Variants in TNRC6A observed in about 807,000 individuals in gnomAD.
The protein encoded by TNRC6A is trinucleotide repeat containing adaptor 6A, also known as trinucleotide repeat-containing gene 6A protein.
In TNRC6A, 44 loss-of-function variants were observed where a neutral mutation model predicts 221.2. The ratio of observed to expected loss-of-function variants is 0.20; its 90% CI spans 0.16 to 0.26. TNRC6A has a LOEUF of 0.26. Among genes scored for constraint, TNRC6A ranks in the 10% least tolerant of loss-of-function variants. TNRC6A has a pLI of 1.00. For missense variants in TNRC6A, 2,199 were observed against 2,404.4 expected (o/e 0.91, Z 1.79); for synonymous variants, 847 against 838.5 (o/e 1.01, Z -0.18).
chr16:24,696,728 C>CAAAGAAGAAAA (rs1555490664), intron 2 of TNRC6A, among the ~76,000 whole-genome samples: 1 of 45,144 alleles, frequency 2.2e-5, no homozygotes, highest in African/African-American at 1.1e-4. Context: ...GACCCTGTCT[C>CAAAGAAGAAAA]AAAAAAAAAA....
chr16:24,797,930 GAAA>G lies in TNRC6A; in HGVS notation c.3660_3662del (p.Glu1220_Asn1221delinsAsp), dbSNP rs1453641755. On this transcript the variant is annotated inframe_deletion, in exon 11 of 25. Coordinates refer to ENST00000395799, the MANE Select transcript of TNRC6A (RefSeq NM_014494.4). ...CTTTCTTCAGAGAGACTCACCAGAGGAAAATGTACAAAGCAATAAGATGGACCT... is the reference window on the plus strand; with the variant it reads ...CTTTCTTCAGAGAGACTCACCAGAGGATGTACAAAGCAATAAGATGGACCT... The G allele has an allele frequency of 1.2e-6, 2 of 1,610,450 alleles. No individual in the cohort carries two copies. Among genetic ancestry groups the G allele is most frequent in the Non-Finnish European group, 1.7e-6 (2 of 1,178,270 alleles).
intron 2 of TNRC6A, among the ~76,000 whole-genome samples, chr16:24,642,663 CA>C (rs1298743193): frequency 1.3e-5 from 2 of 151,840 alleles, no homozygotes; most frequent in Non-Finnish European, 2.9e-5. Context: ...ACTAAAAATA[CA>C]AAAAAATTAG....
intron 2 of TNRC6A, among the ~76,000 whole-genome samples, chr16:24,743,564 A>G (rs1393240463): frequency 1.2e-5 from 1 of 85,244 alleles, no homozygotes; most frequent in Admixed American, 1.2e-4. Flanking sequence ...GGCCCAAGCA[A>G]TCTGCCTTGG....
At chr16:24,758,285 A>G (rs1305101239) in intron 3 of TNRC6A, 54 bp from the exon 4 acceptor site, 2 of 1,528,844 alleles carry the variant, frequency 1.3e-6, no homozygotes, top group Non-Finnish European at 1.8e-6. Flanking sequence ...ATAACAGTCC[A>G]TTTCTTTCAG....
chr16:24,700,323 C>T (rs2055946430), intron 2 of TNRC6A, among the ~76,000 whole-genome samples: 1 of 151,964 alleles, frequency 6.6e-6, no homozygotes, highest in African/African-American at 2.4e-5. Flanking sequence ...GCAATCTCTG[C>T]TTCCCAAGTT....
chr16:24,756,453 A>G (rs754607067), intron 3 of TNRC6A, among the ~76,000 whole-genome samples: 2 of 152,136 alleles, frequency 1.3e-5, no homozygotes, highest in Non-Finnish European at 1.5e-5. Flanking sequence ...CTTGGTTTCT[A>G]TACTACTACT....
At chr16:24,736,590 A>G (rs2056773120) in intron 2 of TNRC6A, among the ~76,000 whole-genome samples, 1 of 152,176 alleles carries the variant, frequency 6.6e-6, no homozygotes, top group Non-Finnish European at 1.5e-5. Context: ...TTGTTTTTGC[A>G]GACTGAAATT....
chr16:24,651,420 C>T (rs1418752593), intron 2 of TNRC6A, among the ~76,000 whole-genome samples: 1 of 151,480 alleles, frequency 6.6e-6, no homozygotes, highest in Non-Finnish European at 1.5e-5. Flanking sequence ...TGCCTGTAAT[C>T]CCAGCTACTC....
chr16:24,787,879 A>G (rs1567473120), intron 5 of TNRC6A, among the ~76,000 whole-genome samples: 1 of 152,126 alleles, frequency 6.6e-6, no homozygotes, highest in Non-Finnish European at 1.5e-5. Flanking sequence ...TAGGCCTACA[A>G]CCCCTGAAGG....
At chr16:24,645,778 A>G (rs897476915) in intron 2 of TNRC6A, among the ~76,000 whole-genome samples, 1 of 142,376 alleles carries the variant, frequency 7.0e-6, no homozygotes, top group Non-Finnish European at 1.5e-5. Flanking sequence ...GGGGAAGATC[A>G]CTTGAGCTCA....
intron 4 of TNRC6A, among the ~76,000 whole-genome samples, chr16:24,768,218 T>G (rs2057514929): frequency 6.6e-6 from 1 of 151,522 alleles, no homozygotes; most frequent in Admixed American, 6.6e-5. Flanking sequence ...GACCACGAGG[T>G]CAGGAGATTG....
chr16:24,752,312 G>C (rs1249142959), intron 3 of TNRC6A, among the ~76,000 whole-genome samples: 1 of 152,180 alleles, frequency 6.6e-6, no homozygotes, highest in Non-Finnish European at 1.5e-5. Context: ...AATCAGGCTA[G>C]GGGATACAAA....
chr16:24,626,070 A>G (rs1176242037), intron 1 of TNRC6A, among the ~76,000 whole-genome samples: 1 of 152,146 alleles, frequency 6.6e-6, no homozygotes, highest in Non-Finnish European at 1.5e-5. Flanking sequence ...TTACAAAGGT[A>G]TATTGCATGA....
intron 18 of TNRC6A, among the ~76,000 whole-genome samples, chr16:24,812,546 A>C (rs1471664119): frequency 6.6e-6 from 1 of 152,156 alleles, no homozygotes; most frequent in Non-Finnish European, 1.5e-5. Context: ...TGAGCTTATA[A>C]TACCATGTTT....
In TNRC6A at chr16:24,791,816, T is replaced by C; in HGVS notation, c.3174T>C (p.Ser1058=). 1.3e-6 allele frequency: 2 copies of C among 1,524,146 alleles called. No individual in the cohort carries two copies. Among genetic ancestry groups the C allele is most frequent in the Middle Eastern group, 3.5e-4 (2 of 5,638 alleles). The allele number at this position is 1,524,146 out of a possible 1,614,324, so 94.4% of individuals were successfully genotyped here. Residue 1058 remains serine, a splice_region_variant and synonymous_variant, in exon 6 of 25, where the codon TCT becomes TCC. Coordinates refer to ENST00000395799, the MANE Select transcript of TNRC6A (RefSeq NM_014494.4). ...AISNKEASSG[S]GWGEPWGEPS... is the part of the protein sequence containing the mutation. The stretch of plus-strand genomic sequence containing the variant: ...CAAACAAAGAGGCAAGCAGTGGCTC[T>C]GGTAAGTTTCTATTTTATGAAATCA...
At chr16:24,814,746 T>C (rs146630038) in intron 18 of TNRC6A, among the ~76,000 whole-genome samples, 20 of 152,278 alleles carry the variant, frequency 1.3e-4, no homozygotes, top group African/African-American at 3.9e-4. Flanking sequence ...TATTGAGATA[T>C]AATTTACTTA....
chr16:24,688,966 C>T (rs1364639857), intron 2 of TNRC6A, among the ~76,000 whole-genome samples: 2 of 151,990 alleles, frequency 1.3e-5, no homozygotes, highest in Non-Finnish European at 2.9e-5. Context: ...TTTGGGAGGC[C>T]GACGCGGGAG....
Position 24,685,089 on chromosome 16 carries a change from G to GTC in TNRC6A, n.402+44094_402+44095dup, listed in dbSNP as rs146428614. Among the ~76,000 whole-genome samples the GTC allele has an allele frequency of 1.0e-3, 155 of 151,256 alleles. 2 individuals carry two copies. The highest frequency in any genetic ancestry group is 3.5e-3 in the African/African-American group (146 of 41,332). ...TTCCAAACTCAGGGCTTCCAGAGGG[G>GTC]TCTCTCTCTCTCTCTGAACTGGAAG... is the stretch of plus-strand genomic sequence containing the variant. On this transcript the variant is annotated intron_variant and non_coding_transcript_variant, in intron 2 of 2. Transcript: ENST00000566108.
In TNRC6A at chr16:24,791,286, A is replaced by G; in HGVS notation, c.2644A>G (p.Arg882Gly). The G allele has an allele frequency of 1.2e-6, 2 of 1,613,410 alleles. No homozygotes were observed. Among genetic ancestry groups the G allele is most frequent in the Non-Finnish European group, 8.5e-7 (1 of 1,179,562 alleles). The change falls in exon 6 of 25, where the codon AGG becomes GGG. Residue 882 changes from arginine (R) to glycine (G), a missense_variant. By Grantham distance (125) the Arg-to-Gly change is moderately radical. This residue lies in a region of TNRC6A where 1,405 missense variants were observed against 1,400.2 expected (regional missense o/e 1.00). Transcript: ENST00000395799. ...KSSSGGSDSDRSVSGWNELGK... is the reference protein window; with the variant it reads ...KSSSGGSDSDGSVSGWNELGK... ...CAGCTCAGGAGGTAGTGACAGTGACAGGTCCGTTTCCGGTTGGAACGAACT... is the reference window on the plus strand; with the variant it reads ...CAGCTCAGGAGGTAGTGACAGTGACGGGTCCGTTTCCGGTTGGAACGAACT...
Sources: gnomAD v4.1 joint callset for allele counts (sites outside exome capture counted in the v4.1 genomes callset) on GRCh38, gnomAD v4.1.1 for gene constraint, gnomAD v4.1.1 regional missense constraint, MANE v1.5 for transcripts, NCBI Gene and HGNC (gene_info 2026-07-23, HGNC 2026-07-21) for gene names.